The following NECAB1 variants were observed in gnomAD, a reference collection of about 807,000 sequenced individuals.
NECAB1 encodes the protein N-terminal EF-hand calcium-binding protein 1.
In NECAB1, 29 loss-of-function variants were observed where a neutral mutation model predicts 57.5. The ratio of observed to expected loss-of-function variants is 0.50; its 90% confidence interval spans 0.38 to 0.69. The LOEUF (loss-of-function observed/expected upper bound fraction) is 0.69. Among genes scored for constraint, NECAB1 ranks in the 30% least tolerant of loss-of-function variants. NECAB1 has a pLI of 0.00. For missense variants in NECAB1, 372 were observed against 413.8 expected, an observed-to-expected ratio of 0.90 and a Z score of 0.88; for synonymous variants, 142 against 147.7, an observed-to-expected ratio of 0.96 and a Z score of 0.28.
rs189389955 is a variant in NECAB1, at chr8:90,903,610, G to A, written c.358-13882G>A. Among the ~76,000 whole-genome samples the A allele has an allele frequency of 2.6e-5, 4 of 152,220 alleles. No individual in the cohort carries two copies. In the East Asian group the frequency reaches 7.7e-4, roughly 29 times the overall value. ...TTTATCTCTTATGACAAGTTTGGGAGGTCCAAATAAATGAATCCATAGAAA... is the reference window on the plus strand; with the variant it reads ...TTTATCTCTTATGACAAGTTTGGGAAGTCCAAATAAATGAATCCATAGAAA... On this transcript the variant is annotated intron_variant, in intron 5 of 12. Transcript: ENST00000417640.
Position 90,902,056 on chromosome 8 carries a change from A to G in NECAB1, c.358-15436A>G, listed in dbSNP as rs9643318. Among the ~76,000 whole-genome samples, 103 of 152,330 alleles carry G rather than the reference A, an allele frequency of 6.8e-4. 1 individual carries two copies. The East Asian group carries it at 0.015, about 22-fold the overall frequency. ...ATAAATAATAGAGGTACTAATCCAC[A>G]TATTTTATTCTTTCTCTTAAAAATA... On this transcript the variant is annotated intron_variant, in intron 5 of 12. Transcript: ENST00000417640.
At chr8:90,801,270 C>T (rs1811752682) in intron 1 of NECAB1, among the ~76,000 whole-genome samples, 1 of 152,144 alleles carries the variant, frequency 6.6e-6, no homozygotes, top group African/African-American at 2.4e-5. Context: ...CCTGCCCTGC[C>T]CATTCCTAGG....
At chr8:90,917,870 A>ATATATATATATATATATGTGTGTG (rs1554575432) in intron 6 of NECAB1, among the ~76,000 whole-genome samples, 37 of 64,332 alleles carry the variant, frequency 5.8e-4, no homozygotes, top group East Asian at 2.3e-3. Flanking sequence ...ATATATATAT[A>ATATATATATATATATATGTGTGTG]TGTGTGTGTG....
At chr8:90,882,005 A>G (rs1284203184) in intron 5 of NECAB1, among the ~76,000 whole-genome samples, 1 of 152,190 alleles carries the variant, frequency 6.6e-6, no homozygotes, top group Non-Finnish European at 1.5e-5. Flanking sequence ...TAAAGTACCA[A>G]AGAGTGGCAT....
At chr8:90,862,236 G>A (rs567017770) in intron 3 of NECAB1, among the ~76,000 whole-genome samples, 29 of 152,176 alleles carry the variant, frequency 1.9e-4, no homozygotes, top group African/African-American at 5.5e-4. Flanking sequence ...CTGATGAAAC[G>A]GATATATGCA....
At chr8:90,942,226 C>A (rs11989738) in intron 10 of NECAB1, among the ~76,000 whole-genome samples, 32,557 of 152,074 alleles carry the variant, frequency 0.21, 6,029 homozygotes, top group African/African-American at 0.51. Context: ...TGGGAGGATT[C>A]AGTGAGACAG....
At chr8:90,946,494 T>C (rs1216265566) in intron 10 of NECAB1, among the ~76,000 whole-genome samples, 2 of 152,234 alleles carry the variant, frequency 1.3e-5, no homozygotes, top group Non-Finnish European at 2.9e-5. Context: ...TAGGAATGCT[T>C]GCAACTGCAA....
At chr8:90,819,266 A>G (rs1468290749) in intron 2 of NECAB1, among the ~76,000 whole-genome samples, 1 of 151,708 alleles carries the variant, frequency 6.6e-6, no homozygotes, top group Non-Finnish European at 1.5e-5. Flanking sequence ...TTCTTGTTTC[A>G]TAATTGTATG....
At chr8:90,941,399 G>A (rs2130240504) in intron 10 of NECAB1, among the ~76,000 whole-genome samples, 1 of 152,286 alleles carries the variant, frequency 6.6e-6, no homozygotes, top group Admixed American at 6.5e-5. Context: ...AAATGAAGCA[G>A]CAGCAGATCT....
At chr8:90,797,899 G>A (rs1044576088) in intron 1 of NECAB1, among the ~76,000 whole-genome samples, 2 of 152,148 alleles carry the variant, frequency 1.3e-5, no homozygotes, top group Admixed American at 6.5e-5. Flanking sequence ...ACTTTCCTGG[G>A]TGTTGGTTCT....
intron 9 of NECAB1, among the ~76,000 whole-genome samples, chr8:90,939,130 A>G (rs2130231672): frequency 6.6e-6 from 1 of 152,366 alleles, no homozygotes; most frequent in East Asian, 1.9e-4. Context: ...TTTACACAAT[A>G]GCAGAGTTGA....
At chr8:90,944,482 A>G (rs914893612) in intron 10 of NECAB1, among the ~76,000 whole-genome samples, 5 of 152,198 alleles carry the variant, frequency 3.3e-5, no homozygotes, top group Non-Finnish European at 7.4e-5. Flanking sequence ...ACATACACAC[A>G]CTATTCTTCA....
intron 3 of NECAB1, among the ~76,000 whole-genome samples, chr8:90,830,821 G>C (rs757597874): frequency 6.6e-6 from 1 of 152,126 alleles, no homozygotes; most frequent in East Asian, 1.9e-4. Context: ...CCACAAAGCT[G>C]TGGAGAGAAT....
At chr8:90,823,590 T>C (rs1812180144) in intron 2 of NECAB1, among the ~76,000 whole-genome samples, 1 of 151,850 alleles carries the variant, frequency 6.6e-6, no homozygotes, top group African/African-American at 2.4e-5. Flanking sequence ...GGCCATATTT[T>C]GGGGAAACAA....
intron 2 of NECAB1, among the ~76,000 whole-genome samples, chr8:90,804,608 C>T (rs1479231772): frequency 6.6e-6 from 1 of 151,932 alleles, no homozygotes; most frequent in Non-Finnish European, 1.5e-5. Context: ...CATAACATCA[C>T]TTTTTATCCC....
chr8:90,801,784 TC>T, intron 2 of NECAB1, 69 bp downstream of exon 2: 1 of 1,092,224 alleles, frequency 9.2e-7, no homozygotes, highest in Non-Finnish European at 1.3e-6. Flanking sequence ...TAAATAATAA[TC>T]AGGAAAAAGG....
chr8:90,806,060 G>T (rs1472506156), intron 2 of NECAB1, among the ~76,000 whole-genome samples: 3 of 152,188 alleles, frequency 2.0e-5, no homozygotes, highest in Non-Finnish European at 4.4e-5. Flanking sequence ...TGGGGGGCAA[G>T]AATAGCTTTG....
chr8:90,840,883 G>A (rs1812442319), intron 3 of NECAB1, among the ~76,000 whole-genome samples: 1 of 145,778 alleles, frequency 6.9e-6, no homozygotes, highest in Non-Finnish European at 1.5e-5. Context: ...GGGGGACACA[G>A]ATATCTTCAA....
chr8:90,848,655 G>A (rs544420171), intron 3 of NECAB1, among the ~76,000 whole-genome samples: 34 of 152,328 alleles, frequency 2.2e-4, no homozygotes, highest in South Asian at 6.2e-4. Context: ...ATGGTAGCAG[G>A]CAAGACAGCT....
Sources: allele counts gnomAD v4.1 joint callset (sites outside exome capture counted in the v4.1 genomes callset), GRCh38; gene constraint gnomAD v4.1.1; transcripts MANE v1.5; gene names NCBI Gene and HGNC (gene_info 2026-07-23, HGNC 2026-07-21).